Variants in VRTN observed in about 807,000 individuals in gnomAD.
VRTN encodes the protein vertnin.
A neutral mutation model predicts 18.2 loss-of-function variants in VRTN; 5 were observed. That is an observed-to-expected ratio of 0.27 (90% CI 0.14 to 0.58). VRTN has a LOEUF of 0.58. Among genes scored for constraint, VRTN ranks in the 20% least tolerant of loss-of-function variants. The pLI is 0.91. For missense variants in VRTN, 741 were observed against 939.4 expected (o/e 0.79, Z 2.76); for synonymous variants, 381 against 393.7 (o/e 0.97, Z 0.38).
chr14:74,345,847 C>A (rs542881386), upstream of VRTN, among the ~76,000 whole-genome samples: 6 of 149,630 alleles, frequency 4.0e-5, no homozygotes, highest in African/African-American at 1.5e-4. Flanking sequence ...TCACTTGAAC[C>A]TGGGAGTTGG....
chr14:74,333,678 A>G (rs2085543902), intron 1 of VRTN, among the ~76,000 whole-genome samples: 1 of 151,810 alleles, frequency 6.6e-6, no homozygotes, highest in Non-Finnish European at 1.5e-5. Flanking sequence ...CATCTCTACT[A>G]AAAATACAAA....
chr14:74,331,544 T>TTATATATATATATATA (rs1169929236), intron 1 of VRTN, among the ~76,000 whole-genome samples: 28 of 43,448 alleles, frequency 6.4e-4, no homozygotes, highest in South Asian at 1.1e-3. Context: ...AAAAAAAATT[T>TTATATATATATATATA]TATATATATA....
intron 1 of VRTN, among the ~76,000 whole-genome samples, chr14:74,350,733 G>A (rs777250450): frequency 2.6e-5 from 4 of 152,124 alleles, no homozygotes; most frequent in Non-Finnish European, 5.9e-5. Context: ...GTGTGAACTC[G>A]GACTAGGGAT....
At chr14:74,354,738 A>G (rs993174407) in intron 1 of VRTN, among the ~76,000 whole-genome samples, 1 of 152,068 alleles carries the variant, frequency 6.6e-6, no homozygotes, top group African/African-American at 2.4e-5. Context: ...TGATTCTTCT[A>G]CAAGTGCATG....
chr14:74,357,523 A>G lies in VRTN; in HGVS notation c.740A>G (p.Glu247Gly), dbSNP rs1195299114. Residue 247 changes from glutamate (E) to glycine (G), a missense_variant, in exon 2 of 2, where the codon GAG (glutamate) becomes GGG (glycine). Around this residue, in one of 3 missense-constraint regions of VRTN, gnomAD observed 494 missense variants for 546.5 expected, o/e 0.90. Transcript: ENST00000256362. The surrounding 1 kb of genome is among the most constrained non-coding windows in gnomAD (Gnocchi z 7.8). ...CCTGTGGTGGGGCTGGAAGAGGTGG[A>G]GGCTGAAGGTGCCCCTGGCGTGGCC... ...FAPVVGLEEV[E>G]AEGAPGVAPA... 3 of 1,613,186 alleles carry G rather than the reference A, an allele frequency of 1.9e-6. No individual in the cohort carries two copies. The highest frequency in any genetic ancestry group is 1.7e-6 in the Non-Finnish European group (2 of 1,179,952).
intron 1 of VRTN, among the ~76,000 whole-genome samples, chr14:74,309,648 GATC>G (rs1821398604): frequency 6.6e-6 from 1 of 152,120 alleles, no homozygotes; most frequent in Non-Finnish European, 1.5e-5. Context: ...ACTGAGCTAT[GATC>G]ATACCACTGC....
rs540489750 is a variant in VRTN, at chr14:74,324,677, C to T, written c.-163-13046C>T. On this transcript the variant is annotated intron_variant, in intron 1 of 2. Coordinates refer to the VRTN transcript ENST00000557177. ...CCGAGGCAGGATGCTCACTTGAGCC[C>T]GGTAGTTTGAGGCCAGCCTGCGTAA... Among the ~76,000 whole-genome samples the T allele has an allele frequency of 5.9e-5, 9 of 151,986 alleles. No homozygotes were observed. The South Asian group carries it at 1.0e-3, about 18-fold the overall frequency.
chr14:74,326,826 C>T (rs1209562822), intron 1 of VRTN, among the ~76,000 whole-genome samples: 1 of 152,160 alleles, frequency 6.6e-6, no homozygotes, highest in Non-Finnish European at 1.5e-5. Context: ...CCACTGGACC[C>T]CAGGACGCTC....
chr14:74,305,190 G>A (rs1595159142), intron 1 of VRTN, among the ~76,000 whole-genome samples: 1 of 152,100 alleles, frequency 6.6e-6, no homozygotes, highest in African/African-American at 2.4e-5. Context: ...AAATTAGCCA[G>A]GTGTGGTGGC....
chr14:74,337,352 AAAAC>A lies in VRTN; in HGVS notation c.-163-363_-163-360del, dbSNP rs377724541. 6.3e-3 allele frequency among the ~76,000 whole-genome samples: 961 copies of A among 152,064 alleles called. 10 individuals carry two copies. Among genetic ancestry groups the A allele is most frequent in the African/African-American group, 0.019 (809 of 41,536 alleles). ...GTGAGACCCTGCCTCAAAAAAACAA[AAAAC>A]AAACAAAAACAAACAAACAAACAAA... On this transcript the variant is annotated intron_variant, in intron 1 of 2. Transcript: ENST00000557177.
At chr14:74,326,606 G>A (rs2085489096) in intron 1 of VRTN, among the ~76,000 whole-genome samples, 1 of 152,060 alleles carries the variant, frequency 6.6e-6, no homozygotes, top group African/African-American at 2.4e-5. Context: ...GAATGGACAA[G>A]TTCCATGAAT....
At chr14:74,335,600 A>T (rs1302980775) in intron 1 of VRTN, among the ~76,000 whole-genome samples, 1 of 152,152 alleles carries the variant, frequency 6.6e-6, no homozygotes, top group African/African-American at 2.4e-5. Flanking sequence ...AGATGAGGAA[A>T]TTAAGGCTCA....
intron 1 of VRTN, among the ~76,000 whole-genome samples, chr14:74,325,736 C>T (rs2085483807): frequency 6.6e-6 from 1 of 151,920 alleles, no homozygotes; most frequent in South Asian, 2.1e-4. Flanking sequence ...CACCACTGTA[C>T]TCCAGCCTGG....
chr14:74,303,380 G>A lies in VRTN; in HGVS notation c.-164+204G>A, dbSNP rs72542408. On this transcript the variant is annotated intron_variant, in intron 1 of 2. Transcript: ENST00000557177. The stretch of plus-strand genomic sequence containing the variant: ...AGCCTGGGCAACATGGCAAGACCCC[G>A]CCTTTACAAAAGACAAAAGCATTAG... Among the ~76,000 whole-genome samples the A allele has an allele frequency of 6.2e-3, 939 of 152,234 alleles. 2 individuals are homozygous for A. Among genetic ancestry groups the A allele is most frequent in the Non-Finnish European group, 0.011 (741 of 68,012 alleles).
upstream of VRTN, among the ~76,000 whole-genome samples, chr14:74,345,722 G>A (rs2085639721): frequency 2.0e-5 from 3 of 149,990 alleles, no homozygotes; most frequent in Non-Finnish European, 4.4e-5. Context: ...TCAGGAGTTC[G>A]AGACCACCCC....
At chr14:74,319,085 T>C (rs954719908) in intron 1 of VRTN, among the ~76,000 whole-genome samples, 1 of 152,048 alleles carries the variant, frequency 6.6e-6, no homozygotes, top group South Asian at 2.1e-4. Context: ...TGGAGTGCAG[T>C]GGCTCGACCT....
In VRTN at chr14:74,358,578, G is replaced by A. The variant is rs2085754960; in HGVS notation, c.1795G>A (p.Val599Ile). 1 of 1,604,382 alleles carries A rather than the reference G, an allele frequency of 6.2e-7. No homozygotes were observed. Among genetic ancestry groups the A allele is most frequent in the African/African-American group, 1.3e-5 (1 of 74,696 alleles). ...APPVGASSED[V>I]EGGPSREGAL... The stretch of plus-strand genomic sequence containing the variant: ...ACCTGTGGGGGCTTCTTCAGAAGAT[G>A]TAGAGGGAGGGCCTTCCAGAGAGGG... Residue 599 changes from valine to isoleucine, a missense_variant, in exon 2 of 2, where the codon GTA becomes ATA. By Grantham distance (29) the Val-to-Ile change is conservative. Coordinates refer to ENST00000256362, the MANE Select transcript of VRTN (RefSeq NM_018228.3). This position sits in a 1 kb window ranked among gnomAD's most constrained non-coding sequence, Gnocchi z 5.4.
chr14:74,326,569 G>T (rs2085488796), intron 1 of VRTN, among the ~76,000 whole-genome samples: 1 of 151,914 alleles, frequency 6.6e-6, no homozygotes, highest in Admixed American at 6.6e-5. Flanking sequence ...CCTCCTTCTC[G>T]CACCTGCTGG....
chr14:74,346,023 G>T (rs968420163), upstream of VRTN, among the ~76,000 whole-genome samples: 1 of 152,026 alleles, frequency 6.6e-6, no homozygotes, highest in African/African-American at 2.4e-5. Context: ...ATGAAAATGG[G>T]CTGGGTACGG....
Sources: allele counts gnomAD v4.1 joint callset (sites outside exome capture counted in the v4.1 genomes callset), GRCh38; gene constraint gnomAD v4.1.1; regional missense constraint gnomAD v4.1.1; non-coding constraint Gnocchi (gnomAD v3.1); transcripts MANE v1.5; gene names NCBI Gene and HGNC (gene_info 2026-07-23, HGNC 2026-07-21).